Variants in BCHE observed in about 807,000 individuals in gnomAD.
BCHE encodes cholinesterase.
Under a neutral mutation model 51.3 loss-of-function variants are expected in BCHE, and 48 were observed. The observed-to-expected ratio is 0.94, with a 90% CI of 0.74 to 1.19. The LOEUF is 1.19. Ranked by LOEUF, BCHE falls within the 50% of genes most tolerant of loss-of-function variation. The pLI is 0.00. For synonymous variants in BCHE, 251 were observed against 238.0 expected, an observed-to-expected ratio of 1.05 and a Z score of -0.50; for missense variants, 847 against 708.2, an observed-to-expected ratio of 1.20 and a Z score of -2.23.
chr3:165,831,344 T>C (rs1425761866), intron 1 of BCHE, among the ~76,000 whole-genome samples: 3 of 152,162 alleles, frequency 2.0e-5, no homozygotes, highest in Non-Finnish European at 2.9e-5. Flanking sequence ...CCAAATTTAA[T>C]GTTACTTCTG....
In BCHE at chr3:165,834,788, T is replaced by A. The variant is rs917326393; in HGVS notation, c.-9+2526A>T. Among the ~76,000 whole-genome samples, 60 of 151,944 alleles carry A rather than the reference T, an allele frequency of 3.9e-4. 1 individual carries two copies. The highest frequency in any genetic ancestry group is 2.8e-3 in the Admixed American group (43 of 15,262). The stretch of plus-strand genomic sequence containing the variant: ...AAAACATTATCGTTTTTCTTTTTTT[T>A]AATTTTATTATTATTATACTTTAAG... On this transcript the variant is annotated intron_variant, in intron 1 of 3. Coordinates refer to ENST00000264381, the MANE Select transcript of BCHE (RefSeq NM_000055.4).
intron 3 of BCHE, among the ~76,000 whole-genome samples, chr3:165,783,789 T>C (rs1462485110): frequency 6.6e-6 from 1 of 152,078 alleles, no homozygotes; most frequent in East Asian, 1.9e-4. Context: ...CAAATAGTTA[T>C]GATATTGTAA....
At chr3:165,803,989 A>G (rs544271178) in intron 2 of BCHE, among the ~76,000 whole-genome samples, 10 of 151,870 alleles carry the variant, frequency 6.6e-5, no homozygotes, top group Admixed American at 2.6e-4. Context: ...GAGCTGCAGT[A>G]TATTACAATA....
chr3:165,777,735 C>G, intron 3 of BCHE: 1 of 444,970 alleles, frequency 2.2e-6, no homozygotes. Context: ...TTTCTTCCAC[C>G]TCTGTCAATC....
At chr3:165,788,157 G>A (rs527720117) in intron 2 of BCHE, among the ~76,000 whole-genome samples, 1 of 152,074 alleles carries the variant, frequency 6.6e-6, no homozygotes, top group South Asian at 2.1e-4. Context: ...AAGTCTCTAA[G>A]TCCAGTAGAA....
intron 2 of BCHE, among the ~76,000 whole-genome samples, chr3:165,819,586 A>G (rs981668822): frequency 6.6e-6 from 1 of 152,136 alleles, no homozygotes; most frequent in Non-Finnish European, 1.5e-5. Flanking sequence ...AGTGTTAACC[A>G]CAAAATAGTT....
intron 2 of BCHE, among the ~76,000 whole-genome samples, chr3:165,808,602 A>T (rs1713961890): frequency 6.6e-6 from 1 of 152,146 alleles, no homozygotes; most frequent in African/African-American, 2.4e-5. Flanking sequence ...TGATAAATAA[A>T]TATTTAATTT....
intron 2 of BCHE, among the ~76,000 whole-genome samples, chr3:165,813,932 C>A (rs142484571): frequency 1.4e-3 from 206 of 152,020 alleles, no homozygotes; most frequent in African/African-American, 4.7e-3. Flanking sequence ...GTCTGAGTAA[C>A]TAACAGAATA....
chr3:165,829,182 A>C (rs1256449938), intron 2 of BCHE, among the ~76,000 whole-genome samples: 1 of 152,118 alleles, frequency 6.6e-6, no homozygotes, highest in African/African-American at 2.4e-5. Flanking sequence ...GTAAACTTGC[A>C]GGTTAAAAAG....
chr3:165,819,098 G>T lies in BCHE; in HGVS notation c.1517+10419C>A, dbSNP rs1439612551. On this transcript the variant is annotated intron_variant, in intron 2 of 3. Transcript: ENST00000264381. ...TCTTTTTTTTTTTTTTTTCTCCTGA[G>T]ACAGAGTTTTGCTCTTGTTGCCCAG... Among the ~76,000 whole-genome samples the T allele has an allele frequency of 3.7e-5, 5 of 133,726 alleles. No homozygotes were observed. In the Admixed American group the frequency reaches 4.1e-4, roughly 11 times the overall value. 87.7% of individuals were successfully genotyped at this position (133,726 alleles called of 152,430 possible).
intron 1 of BCHE, among the ~76,000 whole-genome samples, chr3:165,832,415 C>G (rs1576672843): frequency 6.6e-6 from 1 of 152,150 alleles, no homozygotes; most frequent in East Asian, 1.9e-4. Flanking sequence ...GCCTCAGCCT[C>G]CCAAGTAGCT....
intron 3 of BCHE, among the ~76,000 whole-genome samples, chr3:165,774,732 C>T (rs1576831086): frequency 6.6e-6 from 1 of 152,078 alleles, no homozygotes; most frequent in East Asian, 1.9e-4. Context: ...AAAGATGATT[C>T]AGATAATTCC....
At chr3:165,792,176 T>A (rs1400086046) in intron 2 of BCHE, among the ~76,000 whole-genome samples, 1 of 151,980 alleles carries the variant, frequency 6.6e-6, no homozygotes, top group African/African-American at 2.4e-5. Flanking sequence ...GTGACACACA[T>A]TCCATGATTA....
At chr3:165,817,569 A>G (rs73028234) in intron 2 of BCHE, among the ~76,000 whole-genome samples, 3,789 of 152,030 alleles carry the variant, frequency 0.025, 160 homozygotes, top group African/African-American at 0.087. Context: ...CAAATACTTT[A>G]GTCTTAGAGG....
intron 2 of BCHE, among the ~76,000 whole-genome samples, chr3:165,807,586 CT>C (rs1192549383): frequency 2.0e-5 from 3 of 151,466 alleles, no homozygotes; most frequent in Non-Finnish European, 4.4e-5. Flanking sequence ...GAGTCTTATT[CT>C]GTCACCCAGG....
chr3:165,799,201 G>A (rs190711360), intron 2 of BCHE, among the ~76,000 whole-genome samples: 251 of 152,000 alleles, frequency 1.7e-3, no homozygotes, highest in African/African-American at 5.7e-3. Flanking sequence ...TCTATTTAGC[G>A]TTGTGTTTCC....
rs1212147686 is a variant in BCHE, at chr3:165,837,412, T to C, written c.-107A>G. ...TGCAGCTGCTGCTCCAGCCTGTAAATTGGACTGCACTGACATTCAGTGTTA... is the reference window on the plus strand; with the variant it reads ...TGCAGCTGCTGCTCCAGCCTGTAAACTGGACTGCACTGACATTCAGTGTTA... On this transcript the variant is annotated 5_prime_UTR_variant, in exon 1 of 4. Coordinates refer to ENST00000264381, the MANE Select transcript of BCHE (RefSeq NM_000055.4). The C allele has an allele frequency of 2.3e-6, 3 of 1,289,706 alleles. No homozygotes were observed. In the Admixed American group the frequency reaches 6.9e-5, roughly 30 times the overall value. The allele number at this position is 1,289,706 out of a possible 1,614,324, so 79.9% of individuals were successfully genotyped here.
chr3:165,805,672 AT>A (rs1713840385), intron 2 of BCHE, among the ~76,000 whole-genome samples: 1 of 152,154 alleles, frequency 6.6e-6, no homozygotes, highest in Admixed American at 6.6e-5. Context: ...TAAAGATCAT[AT>A]TTTTAATCTT....
At chr3:165,783,204 A>C (rs2108200100) in intron 3 of BCHE, among the ~76,000 whole-genome samples, 1 of 152,258 alleles carries the variant, frequency 6.6e-6, no homozygotes, top group Admixed American at 6.6e-5. Context: ...TATTAAACTT[A>C]TCATGGAATG....
Sources: gnomAD v4.1 joint callset for allele counts (sites outside exome capture counted in the v4.1 genomes callset) on GRCh38, gnomAD v4.1.1 for gene constraint, MANE v1.5 for transcripts, NCBI Gene and HGNC (gene_info 2026-07-23, HGNC 2026-07-21) for gene names.